The following ACAP2 variants were observed in gnomAD, a reference collection of about 807,000 sequenced individuals.
The protein encoded by ACAP2 is ArfGAP with coiled-coil, ankyrin repeat and PH domains 2, also known as arf-GAP with coiled-coil, ANK repeat and PH domain-containing protein 2.
Under a neutral mutation model 115.8 loss-of-function variants are expected in ACAP2, and 39 were observed. The observed-to-expected ratio is 0.34, with a 90% confidence interval of 0.26 to 0.44. The LOEUF is 0.44. Ranked by LOEUF, ACAP2 falls within the 20% of genes least tolerant of loss-of-function variation. The pLI is 1.00. For missense variants in ACAP2, 662 were observed against 927.6 expected (o/e 0.71, Z 3.72); for synonymous variants, 289 against 315.8 (o/e 0.92, Z 0.90).
chr3:195,420,907 G>C (rs1211898888), intron 1 of ACAP2, among the ~76,000 whole-genome samples: 2 of 152,274 alleles, frequency 1.3e-5, no homozygotes, highest in South Asian at 2.1e-4. Flanking sequence ...GCCTTCCAAA[G>C]TGCTGGGATT....
intron 8 of ACAP2, among the ~76,000 whole-genome samples, chr3:195,328,372 A>T (rs532335011): frequency 2.6e-4 from 39 of 152,342 alleles, no homozygotes; most frequent in South Asian, 1.2e-3. Flanking sequence ...TCTACAGAAG[A>T]ATAATTCTAG....
At chr3:195,358,754 T>C (rs893212480) in intron 4 of ACAP2, among the ~76,000 whole-genome samples, 5 of 151,546 alleles carry the variant, frequency 3.3e-5, no homozygotes, top group Non-Finnish European at 5.9e-5. Context: ...AAGAGTAAGG[T>C]AGAAAGAGAG....
chr3:195,342,382 T>A (rs183142467), intron 6 of ACAP2, 89 bp downstream of exon 6: 1 of 1,266,452 alleles, frequency 7.9e-7, no homozygotes. Context: ...AGAGTAAAAG[T>A]ATTTATTCTT....
chr3:195,368,481 G>C (rs1732885550), intron 4 of ACAP2, among the ~76,000 whole-genome samples: 1 of 152,090 alleles, frequency 6.6e-6, no homozygotes, highest in South Asian at 2.1e-4. Context: ...TTACTACTTT[G>C]CCAAAGCTAT....
At chr3:195,325,485 G>T in intron 9 of ACAP2, 1 of 416,030 alleles carries the variant, frequency 2.4e-6, no homozygotes, top group Middle Eastern at 4.5e-4. Flanking sequence ...GCAGAAAAGA[G>T]GTCAGTATTC....
chr3:195,315,546 C>A (rs1178428605), intron 10 of ACAP2, among the ~76,000 whole-genome samples: 3 of 152,122 alleles, frequency 2.0e-5, no homozygotes, highest in Non-Finnish European at 4.4e-5. Context: ...AAGAAAAATG[C>A]CATAGGATAC....
chr3:195,405,678 T>TC (rs1360842892), intron 1 of ACAP2, among the ~76,000 whole-genome samples: 15 of 149,168 alleles, frequency 1.0e-4, no homozygotes, highest in African/African-American at 3.7e-4. Flanking sequence ...AGAGTGAGAC[T>TC]CCATCTCAAA....
At chr3:195,341,746 A>G (rs1667150686) in intron 6 of ACAP2, among the ~76,000 whole-genome samples, 1 of 152,344 alleles carries the variant, frequency 6.6e-6, no homozygotes, top group African/African-American at 2.4e-5. Flanking sequence ...TAAAGAAATA[A>G]GAAGTGTAAA....
intron 1 of ACAP2, among the ~76,000 whole-genome samples, chr3:195,423,578 G>A (rs972039210): frequency 4.3e-5 from 6 of 138,080 alleles, no homozygotes; most frequent in Admixed American, 3.3e-4. Context: ...AGCCGCAATC[G>A]CACCACTGCA....
At chr3:195,338,663 G>C (rs1261718157) in intron 6 of ACAP2, among the ~76,000 whole-genome samples, 1 of 152,104 alleles carries the variant, frequency 6.6e-6, no homozygotes, top group Non-Finnish European at 1.5e-5. Flanking sequence ...TTTACTGAAA[G>C]ATCAATAAAT....
Position 195,290,204 on chromosome 3 carries a change from A to T in ACAP2, c.2064-973T>A, listed in dbSNP as rs531300691. Among the ~76,000 whole-genome samples, 13 of 151,838 alleles carry T rather than the reference A, an allele frequency of 8.6e-5. No homozygotes were observed. The South Asian group carries it at 2.3e-3, about 27-fold the overall frequency. ...CTGAGCAACATAGCAAAATGTCTCTAAAAAAAATTTAAAAATTAGCCGGGA... is the reference window on the plus strand; with the variant it reads ...CTGAGCAACATAGCAAAATGTCTCTTAAAAAAATTTAAAAATTAGCCGGGA... On this transcript the variant is annotated intron_variant, in intron 20 of 22. Transcript: ENST00000326793.
Position 195,333,086 on chromosome 3 carries a change from T to G in ACAP2, c.611A>C (p.His204Pro). 6.2e-7 allele frequency: 1 copy of G among 1,609,696 alleles called. No individual in the cohort carries two copies. Among genetic ancestry groups the G allele is most frequent in the Non-Finnish European group, 8.5e-7 (1 of 1,178,192 alleles). Residue 204 changes from histidine (H) to proline (P), a missense_variant, in exon 8 of 23, where the codon CAT becomes CCT. By Grantham distance (77) the His-to-Pro change is moderately conservative. Transcript: ENST00000326793. ...SFMYAHLAFF[H>P]QGYDLFSELG... ...TTCACTAAACAGATCATATCCTTGA[T>G]GAAAGAAGGCCAAATGGGCATACAT...
intron 2 of ACAP2, among the ~76,000 whole-genome samples, chr3:195,387,497 C>T (rs1734382043): frequency 6.6e-6 from 1 of 152,106 alleles, no homozygotes; most frequent in Admixed American, 6.5e-5. Flanking sequence ...ACTTTGTATA[C>T]ACCAAGTACA....
intron 4 of ACAP2, among the ~76,000 whole-genome samples, chr3:195,347,661 T>G (rs1168859480): frequency 6.6e-6 from 1 of 152,202 alleles, no homozygotes; most frequent in African/African-American, 2.4e-5. Context: ...AAAATTAACT[T>G]AAACATACAA....
intron 7 of ACAP2, chr3:195,336,702 G>A (rs990936976): frequency 1.9e-6 from 1 of 513,248 alleles, no homozygotes; most frequent in Non-Finnish European, 3.4e-6. Flanking sequence ...ACAGTATAGA[G>A]TCTACCTTTA....
At chr3:195,342,705 A>C in intron 5 of ACAP2, 51 bp from the exon 6 acceptor site, 1 of 1,492,576 alleles carries the variant, frequency 6.7e-7, no homozygotes, top group South Asian at 1.3e-5. Context: ...TCATTAAAAA[A>C]CTTTAGCAGG....
intron 1 of ACAP2, among the ~76,000 whole-genome samples, chr3:195,429,317 G>A (rs1156710670): frequency 6.7e-6 from 1 of 150,338 alleles, no homozygotes; most frequent in Non-Finnish European, 1.5e-5. Flanking sequence ...GAACCCAGGA[G>A]GCAGTGAGCT....
intron 1 of ACAP2, among the ~76,000 whole-genome samples, chr3:195,434,009 G>A (rs901238142): frequency 1.3e-5 from 2 of 152,064 alleles, no homozygotes; most frequent in South Asian, 2.1e-4. Context: ...GCTCACCAAA[G>A]CCTCAACTAC....
intron 10 of ACAP2, among the ~76,000 whole-genome samples, chr3:195,312,795 AAT>A (rs1278814813): frequency 6.6e-6 from 1 of 152,236 alleles, no homozygotes; most frequent in Non-Finnish European, 1.5e-5. Flanking sequence ...TCTCAAATAA[AAT>A]AGTTATATTT....
Sources: gnomAD v4.1 joint callset for allele counts (sites outside exome capture counted in the v4.1 genomes callset) on GRCh38, gnomAD v4.1.1 for gene constraint, MANE v1.5 for transcripts, NCBI Gene and HGNC (gene_info 2026-07-23, HGNC 2026-07-21) for gene names.